The following DLG2 variants were observed in gnomAD, a reference collection of about 807,000 sequenced individuals.
DLG2 encodes the protein disks large homolog 2.
A neutral mutation model predicts 132.5 loss-of-function variants in DLG2; 45 were observed. The ratio of observed to expected loss-of-function variants is 0.34; its 90% CI spans 0.27 to 0.44. The LOEUF (loss-of-function observed/expected upper bound fraction) is 0.44. Among genes scored for constraint, DLG2 ranks in the 20% least tolerant of loss-of-function variants. DLG2 has a pLI of 1.00. For missense variants in DLG2, 1,045 were observed against 1,196.9 expected (o/e 0.87, Z 1.87); for synonymous variants, 424 against 419.6 (o/e 1.01, Z -0.13).
intron 18 of DLG2, among the ~76,000 whole-genome samples, chr11:83,676,938 C>T (rs1430342547): frequency 6.6e-6 from 1 of 152,122 alleles, no homozygotes; most frequent in African/African-American, 2.4e-5. Flanking sequence ...TAATAAATAA[C>T]TAATAATAGA....
intron 6 of DLG2, among the ~76,000 whole-genome samples, chr11:85,092,433 T>C (rs1466590299): frequency 6.6e-6 from 1 of 152,128 alleles, no homozygotes; most frequent in African/African-American, 2.4e-5. Flanking sequence ...TTAAAATTTA[T>C]TTAAAAGACA....
In DLG2 at chr11:85,090,984, C is replaced by G. The variant is rs2068673660; in HGVS notation, c.357+20677G>C. Among the ~76,000 whole-genome samples the G allele has an allele frequency of 2.6e-5, 4 of 152,104 alleles. No homozygotes were observed. The South Asian group carries it at 8.3e-4, about 32-fold the overall frequency. On this transcript the variant is annotated intron_variant, in intron 6 of 27. Coordinates refer to ENST00000376104, the MANE Select transcript of DLG2 (RefSeq NM_001142699.3). ...TGGTGAAAGAGGAAACAAAGAGAGA[C>G]AGGGTGGTGCCATGTTCTCTTTAAC...
intron 21 of DLG2, among the ~76,000 whole-genome samples, chr11:83,510,830 GTTTTTTT>G (rs566973328): frequency 1.9e-4 from 17 of 88,788 alleles, no homozygotes; most frequent in Admixed American, 1.0e-3. Context: ...TGAACCATCC[GTTTTTTT>G]TTTTTTTTTT....
At chr11:84,470,078 G>A (rs981982074) in intron 7 of DLG2, among the ~76,000 whole-genome samples, 3 of 151,676 alleles carry the variant, frequency 2.0e-5, no homozygotes, top group Non-Finnish European at 4.4e-5. Flanking sequence ...CATAGACAAG[G>A]TATAGTAAAA....
chr11:84,943,677 T>C (rs2049797828), intron 6 of DLG2, among the ~76,000 whole-genome samples: 2 of 152,236 alleles, frequency 1.3e-5, no homozygotes, highest in Admixed American at 6.5e-5. Flanking sequence ...TTTCTATTTA[T>C]ATCATATTAT....
Position 84,023,682 on chromosome 11 carries a change from T to C in DLG2, c.919+35633A>G, listed in dbSNP as rs561757227. The stretch of plus-strand genomic sequence containing the variant: ...AATTGGAAAAACCCCACAGATGAAC[T>C]GCATAGCCTAGAAATATTGCAAACA... On this transcript the variant is annotated intron_variant, in intron 11 of 27. Transcript: ENST00000376104. Among the ~76,000 whole-genome samples the C allele has an allele frequency of 5.6e-4, 86 of 152,292 alleles. No homozygotes were observed. In the Middle Eastern group the frequency reaches 0.01, roughly 18 times the overall value.
chr11:84,220,759 CT>C (rs1006158919), intron 8 of DLG2, among the ~76,000 whole-genome samples: 20 of 133,444 alleles, frequency 1.5e-4, no homozygotes, highest in Admixed American at 3.8e-4. Context: ...GTGTCACGTG[CT>C]TTTTTTTTCT....
chr11:83,534,011 G>A (rs555415435), intron 20 of DLG2, among the ~76,000 whole-genome samples: 2 of 152,224 alleles, frequency 1.3e-5, no homozygotes, highest in South Asian at 4.1e-4. Context: ...GTGGAGAAGA[G>A]GGAAAGGCTT....
intron 6 of DLG2, among the ~76,000 whole-genome samples, chr11:84,962,503 A>G (rs2052721542): frequency 6.6e-6 from 1 of 152,170 alleles, no homozygotes; most frequent in South Asian, 2.1e-4. Flanking sequence ...TACTATGAAG[A>G]TCACCTGAAA....
At chr11:85,062,491 A>T (rs550046763) in intron 6 of DLG2, among the ~76,000 whole-genome samples, 2 of 151,648 alleles carry the variant, frequency 1.3e-5, no homozygotes, top group African/African-American at 4.8e-5. Flanking sequence ...AAATGCAAAC[A>T]TTGTGTTAAA....
rs371823133 is a variant in DLG2 at position 85,013,066 on chromosome 11, A to G, written c.357+98595T>C. Among the ~76,000 whole-genome samples, 29 of 152,328 alleles carry G rather than the reference A, an allele frequency of 1.9e-4. No homozygotes were observed. The South Asian group carries it at 3.5e-3, about 18-fold the overall frequency. ...TCATGTACCTGCCTTCAGAGATAGT[A>G]TTTAATATCAAATTGAATTTTCCAG... On this transcript the variant is annotated intron_variant, in intron 6 of 27. Transcript: ENST00000376104.
intron 6 of DLG2, among the ~76,000 whole-genome samples, chr11:84,773,810 G>A (rs1365446445): frequency 6.6e-6 from 1 of 152,078 alleles, no homozygotes; most frequent in African/African-American, 2.4e-5. Context: ...AGCCTTCTAT[G>A]ACAAACCCAC....
intron 6 of DLG2, among the ~76,000 whole-genome samples, chr11:84,877,371 T>G (rs566763179): frequency 6.6e-6 from 1 of 152,106 alleles, no homozygotes; most frequent in Admixed American, 6.6e-5. Flanking sequence ...GGTGCTCCTA[T>G]AGTGGGGGCA....
intron 6 of DLG2, among the ~76,000 whole-genome samples, chr11:84,984,847 G>C (rs533968520): frequency 2.0e-5 from 3 of 152,206 alleles, no homozygotes; most frequent in Admixed American, 6.5e-5. Flanking sequence ...TCCTACATCA[G>C]ACAAAACAAA....
At chr11:85,514,485 GT>G (rs1389724942) in intron 3 of DLG2, among the ~76,000 whole-genome samples, 1 of 151,830 alleles carries the variant, frequency 6.6e-6, no homozygotes, top group African/African-American at 2.4e-5. Context: ...AACTTTCCTG[GT>G]GGAAAGTGCT....
chr11:84,367,476 G>A (rs911180380), intron 7 of DLG2, among the ~76,000 whole-genome samples: 5 of 152,086 alleles, frequency 3.3e-5, no homozygotes, highest in Non-Finnish European at 7.4e-5. Context: ...AAGTCTCGAC[G>A]GCTGTGTGCT....
intron 19 of DLG2, among the ~76,000 whole-genome samples, chr11:83,564,116 T>A (rs536148782): frequency 6.6e-6 from 1 of 152,080 alleles, no homozygotes; most frequent in Non-Finnish European, 1.5e-5. Context: ...TTTTTTTTGT[T>A]TTCTATGATA....
At chr11:84,991,787 T>C (rs2057153566) in intron 6 of DLG2, among the ~76,000 whole-genome samples, 1 of 152,180 alleles carries the variant, frequency 6.6e-6, no homozygotes, top group African/African-American at 2.4e-5. Flanking sequence ...CTTCTTACAA[T>C]TGCATGTGAA....
At chr11:85,058,530 G>A (rs1432710446) in intron 6 of DLG2, among the ~76,000 whole-genome samples, 1 of 151,488 alleles carries the variant, frequency 6.6e-6, no homozygotes, top group Non-Finnish European at 1.5e-5. Flanking sequence ...TGTGGAAATT[G>A]ACAAGTTGAT....
Sources: gnomAD v4.1 joint callset for allele counts (sites outside exome capture counted in the v4.1 genomes callset) on GRCh38, gnomAD v4.1.1 for gene constraint, MANE v1.5 for transcripts, NCBI Gene and HGNC (gene_info 2026-07-23, HGNC 2026-07-21) for gene names.